Variants in MROH7 observed in about 807,000 individuals in gnomAD.
MROH7 encodes the protein maestro heat like repeat family member 7, also known as maestro heat-like repeat-containing protein family member 7.
Under a neutral mutation model 129.2 loss-of-function variants are expected in MROH7, and 113 were observed. That is an observed-to-expected ratio of 0.87 (90% CI 0.75 to 1.02). The LOEUF is 1.02. MROH7 is among the 50% of genes least tolerant of loss of function. The pLI, the probability that MROH7 is intolerant of heterozygous loss-of-function variation, is 0.00. For missense variants in MROH7, 1,601 were observed against 1,671.3 expected (o/e 0.96, Z 0.73); for synonymous variants, 655 against 667.9 (o/e 0.98, Z 0.30).
At chr1:54,657,686 C>CTT (rs35538151) in intron 3 of MROH7, among the ~76,000 whole-genome samples, 21 of 145,644 alleles carry the variant, frequency 1.4e-4, no homozygotes, top group East Asian at 8.0e-4. Flanking sequence ...CTATCTTAAC[C>CTT]TTTTTTTTTT....
chr1:54,653,746 G>C lies in MROH7; in HGVS notation c.820G>C (p.Glu274Gln). 1 of 1,614,134 alleles carries C rather than the reference G, an allele frequency of 6.2e-7. No individual in the cohort carries two copies. The highest frequency in any genetic ancestry group is 1.1e-5 in the South Asian group (1 of 91,078). The change falls in exon 3 of 24, where the codon GAA becomes CAA. Residue 274 changes from glutamate to glutamine, a missense_variant. Coordinates refer to ENST00000421030, the MANE Select transcript of MROH7 (RefSeq NM_001039464.4). ...FSTTWSTSSK[E>Q]TMNVASSGHS... The stretch of plus-strand genomic sequence containing the variant: ...TACCACCTGGAGCACAAGTTCAAAG[G>C]AAACCATGAATGTGGCTTCCAGCGG...
chr1:54,689,637 G>C (rs1557719198), intron 15 of MROH7, among the ~76,000 whole-genome samples: 1 of 152,224 alleles, frequency 6.6e-6, no homozygotes, highest in African/African-American at 2.4e-5. Flanking sequence ...GAGGAGGAGG[G>C]AGTGGCCTGA....
At position 54,670,859 on chromosome 1, in the gene MROH7, A is replaced by C. The variant is rs777753698; in HGVS notation, c.1529A>C (p.His510Pro). 13 of 1,613,718 alleles carry C rather than the reference A, an allele frequency of 8.1e-6. No homozygotes were observed. The African/African-American group carries it at 1.7e-4, about 22-fold the overall frequency. Reference sequence around the variant, plus strand: ...TCGGAGCTGGTGAACGTGTGTGTGCACAGCGTGTTCTCCCTGCCCTCCGTG... The same window carrying C: ...TCGGAGCTGGTGAACGTGTGTGTGCCCAGCGTGTTCTCCCTGCCCTCCGTG... The part of the protein sequence containing the change: ...ERSELVNVCV[H>P]SVFSLPSVQA... Residue 510 changes from histidine (H) to proline (P), a missense_variant, in exon 7 of 24, where the codon CAC (histidine) becomes CCC (proline). Coordinates refer to ENST00000421030, the MANE Select transcript of MROH7 (RefSeq NM_001039464.4).
intron 21 of MROH7, 21 bp downstream of exon 21, chr1:54,702,766 G>C: frequency 6.3e-7 from 1 of 1,598,584 alleles, no homozygotes; most frequent in Non-Finnish European, 8.5e-7. Flanking sequence ...CCAGAGAGTA[G>C]AGTGGTTCCT....
At chr1:54,695,028 C>G (rs555282608) in intron 16 of MROH7, among the ~76,000 whole-genome samples, 1 of 152,304 alleles carries the variant, frequency 6.6e-6, no homozygotes, top group African/African-American at 2.4e-5. Context: ...AAAGCATGTG[C>G]CTGCTGCCTG....
rs367852940 is a variant in MROH7 at position 54,701,355 on chromosome 1, G to A, written c.3285+33G>A. 1.3e-5 allele frequency: 19 copies of A among 1,514,524 alleles called. No individual in the cohort carries two copies. The African/African-American group carries it at 2.2e-4, about 18-fold the overall frequency. The allele number at this position is 1,514,524 out of a possible 1,614,324, so 93.8% of individuals were successfully genotyped here. A position where few individuals can be genotyped will look rare whatever the true frequency, so the allele number is the denominator to read the frequency against. On this transcript the variant is annotated intron_variant, in intron 19 of 23. Transcript: ENST00000421030. ...CCTCACAGAGCGAAGGAGCAGGAGG[G>A]ATCGAGAAGGGGGTCTTTTACTACC...
chr1:54,702,354 G>A, intron 20 of MROH7, 109 bp downstream of exon 20: 2 of 1,037,832 alleles, frequency 1.9e-6, no homozygotes, highest in Non-Finnish European at 1.3e-6. Context: ...GGGCAGTTAT[G>A]TATGTCCAGC....
intron 15 of MROH7, among the ~76,000 whole-genome samples, chr1:54,690,948 GT>G (rs1462482731): frequency 6.6e-6 from 1 of 152,158 alleles, no homozygotes; most frequent in Non-Finnish European, 1.5e-5. Flanking sequence ...GGGGAGGGTG[GT>G]CCAGTCACCG....
At chr1:54,683,730 G>C (rs1419433480) in intron 14 of MROH7, among the ~76,000 whole-genome samples, 2 of 152,080 alleles carry the variant, frequency 1.3e-5, no homozygotes, top group Admixed American at 6.6e-5. Context: ...ACTTCATCCA[G>C]CCACGCTATC....
At chr1:54,679,499 G>C in intron 12 of MROH7, 60 bp downstream of exon 12, 3 of 1,555,332 alleles carry the variant, frequency 1.9e-6, no homozygotes, top group Non-Finnish European at 2.6e-6. Context: ...TCCCCCCATG[G>C]CCTGCTCATC....
chr1:54,689,590 T>C (rs1193581892), intron 15 of MROH7, among the ~76,000 whole-genome samples: 1 of 151,866 alleles, frequency 6.6e-6, no homozygotes, highest in East Asian at 1.9e-4. Flanking sequence ...TGGTAATGAG[T>C]GCAACAATTA....
chr1:54,684,552 T>TG (rs532673672), intron 14 of MROH7, among the ~76,000 whole-genome samples: 26 of 152,394 alleles, frequency 1.7e-4, no homozygotes, highest in African/African-American at 5.8e-4. Context: ...TCTTATCTTA[T>TG]GGCACTGATA....
chr1:54,679,561 C>T, intron 12 of MROH7, 122 bp downstream of exon 12: 1 of 1,118,106 alleles, frequency 8.9e-7, no homozygotes, highest in Non-Finnish European at 1.3e-6. Context: ...CCCCCTAAGC[C>T]ATGGGGCAGG....
chr1:54,665,286 C>T, intron 4 of MROH7, 46 bp downstream of exon 4: 1 of 1,524,418 alleles, frequency 6.6e-7, no homozygotes, highest in Non-Finnish European at 9.1e-7. Context: ...GGGATACTTC[C>T]ATCCTGCCAA....
chr1:54,699,897 G>A (rs572035647), intron 17 of MROH7: 5 of 561,598 alleles, frequency 8.9e-6, no homozygotes, highest in South Asian at 4.9e-5. Context: ...GGAGCCCTGC[G>A]AGGTGGCAGG....
At chr1:54,663,690 AAAAAAAAAAAAC>A in intron 3 of MROH7, 1 of 395,726 alleles carries the variant, frequency 2.5e-6, no homozygotes, top group East Asian at 7.8e-5. Context: ...AGCTCTAAAA[AAAAAAAAAAAAC>A]AAAAAAAAAA....
chr1:54,647,969 A>G (rs1413432917), intron 1 of MROH7, among the ~76,000 whole-genome samples: 1 of 151,864 alleles, frequency 6.6e-6, no homozygotes, highest in African/African-American at 2.4e-5. Context: ...TTGCATGTCA[A>G]TATCCAGCTG....
chr1:54,683,841 C>T (rs1645107761), intron 14 of MROH7, among the ~76,000 whole-genome samples: 1 of 152,180 alleles, frequency 6.6e-6, no homozygotes, highest in South Asian at 2.1e-4. Context: ...GCATCACTTC[C>T]TTAGGGAAGC....
intron 1 of MROH7, among the ~76,000 whole-genome samples, chr1:54,644,832 G>A (rs182738711): frequency 1.3e-3 from 176 of 140,652 alleles, no homozygotes; most frequent in African/African-American, 4.5e-3. Flanking sequence ...AGATGGAGTC[G>A]CACTCTGTCA....
Sources: allele counts gnomAD v4.1 joint callset (sites outside exome capture counted in the v4.1 genomes callset), GRCh38; gene constraint gnomAD v4.1.1; transcripts MANE v1.5; gene names NCBI Gene and HGNC (gene_info 2026-07-23, HGNC 2026-07-21).